The following CAT variants were observed in gnomAD, a reference collection of about 807,000 sequenced individuals.
The protein encoded by CAT is catalase.
In CAT, 43 loss-of-function variants were observed where a neutral mutation model predicts 59.0. The observed-to-expected ratio is 0.73, with a 90% CI of 0.57 to 0.94. CAT has a LOEUF of 0.94. CAT is among the 40% of genes least tolerant of loss of function. The pLI is 0.00. For synonymous variants in CAT, 218 were observed against 230.9 expected, an observed-to-expected ratio of 0.94 and a Z score of 0.51; for missense variants, 664 against 682.9, an observed-to-expected ratio of 0.97 and a Z score of 0.31.
Position 34,471,869 on chromosome 11 carries a change from T to C in CAT, c.*436T>C, listed in dbSNP as rs58333953. On this transcript the variant is annotated 3_prime_UTR_variant, in exon 13 of 13. Transcript: ENST00000241052. ...TTTTCTAAGGTTCTCATAGGAAAAG[T>C]ACATTTAATACAGCAGTGTCATCAG... 3.8e-3 allele frequency: 759 copies of C among 200,548 alleles called. 7 individuals are homozygous for C. Among genetic ancestry groups the C allele is most frequent in the African/African-American group, 0.017 (725 of 42,378 alleles). 12.4% of individuals were successfully genotyped at this position (200,548 alleles called of 1,614,324 possible).
At chr11:34,454,976 G>A (rs1484646699) in intron 6 of CAT, among the ~76,000 whole-genome samples, 2 of 152,158 alleles carry the variant, frequency 1.3e-5, no homozygotes, top group African/African-American at 4.8e-5. Context: ...TTGCTTGTGG[G>A]TCTTTTATCC....
intron 11 of CAT, among the ~76,000 whole-genome samples, chr11:34,470,282 G>A (rs796415035): frequency 5.3e-5 from 8 of 152,246 alleles, no homozygotes; most frequent in African/African-American, 1.7e-4. Context: ...ATAGACAAAT[G>A]GAAGAGGGGC....
At position 34,463,562 on chromosome 11, in the gene CAT, C is replaced by T. The variant is rs2133857934; in HGVS notation, c.1196-543C>T. ...CAGAGTTCCAACCCCATATCTACCA[C>T]TGGCTACCGTGTGACCTTGCAGCAG... is the stretch of plus-strand genomic sequence containing the variant. On this transcript the variant is annotated intron_variant, in intron 9 of 12. Coordinates refer to ENST00000241052, the MANE Select transcript of CAT (RefSeq NM_001752.4). 2.0e-5 allele frequency among the ~76,000 whole-genome samples: 3 copies of T among 152,338 alleles called. No individual in the cohort carries two copies. The South Asian group carries it at 6.2e-4, about 32-fold the overall frequency.
At chr11:34,467,812 ATAAC>A (rs1316939253) in intron 10 of CAT, among the ~76,000 whole-genome samples, 1 of 152,230 alleles carries the variant, frequency 6.6e-6, no homozygotes, top group Non-Finnish European at 1.5e-5. Flanking sequence ...TGGCTTCTGA[ATAAC>A]TACAGATACA....
intron 10 of CAT, among the ~76,000 whole-genome samples, chr11:34,465,424 C>T (rs1379546836): frequency 6.6e-6 from 1 of 152,082 alleles, no homozygotes; most frequent in Non-Finnish European, 1.5e-5. Context: ...TTTTATGTAA[C>T]TGCATTATTT....
Position 34,449,278 on chromosome 11 carries a change from T to G in CAT, c.153T>G (p.Leu51=). 1.9e-6 allele frequency: 3 copies of G among 1,614,072 alleles called. No homozygotes were observed. The highest frequency in any genetic ancestry group is 2.5e-6 in the Non-Finnish European group (3 of 1,179,900). Residue 51 remains leucine, a synonymous_variant, in exon 2 of 13, where the codon CTT becomes CTG. Coordinates refer to ENST00000241052, the MANE Select transcript of CAT (RefSeq NM_001752.4). ...VITVGPRGPL[L]VQDVVFTDEM... ...CAGTAGGGCCCCGTGGGCCCCTTCT[T>G]GTTCAGGATGTGGTTTTCACTGATG...
chr11:34,456,420 T>C (rs1234007947), intron 7 of CAT, among the ~76,000 whole-genome samples: 2 of 152,242 alleles, frequency 1.3e-5, no homozygotes, highest in East Asian at 3.8e-4. Context: ...TGGCTTCATA[T>C]ATTGTTATTA....
rs753516945 is a variant in CAT at position 34,453,929 on chromosome 11, A to G, written c.711+3A>G. 5.0e-6 allele frequency: 8 copies of G among 1,613,514 alleles called. No homozygotes were observed. The East Asian group carries it at 1.8e-4, about 36-fold the overall frequency. On this transcript the variant is annotated splice_donor_region_variant and intron_variant, in intron 6 of 12. Transcript: ENST00000241052. ...TTTATTGCAAATTCCATTATAAGGT[A>G]TGTGTTACCTTTGGGGCAGAGGGTA... is the stretch of plus-strand genomic sequence containing the variant.
chr11:34,461,064 T>C lies in CAT; in HGVS notation c.1057-187T>C, dbSNP rs1212611349. ...CCAGAGGGCCTGGGAAATTCAGAACTGTTCAGTTAGGGAGAACTCGTTTCA... is the reference window on the plus strand; with the variant it reads ...CCAGAGGGCCTGGGAAATTCAGAACCGTTCAGTTAGGGAGAACTCGTTTCA... On this transcript the variant is annotated intron_variant, in intron 8 of 12. Transcript: ENST00000241052. 1.3e-5 allele frequency: 9 copies of C among 708,998 alleles called. No individual in the cohort carries two copies. The East Asian group carries it at 2.0e-4, about 16-fold the overall frequency. 43.9% of individuals were successfully genotyped at this position (708,998 alleles called of 1,614,324 possible). A position where few individuals can be genotyped will look rare whatever the true frequency, so the allele number is the denominator to read the frequency against.
At chr11:34,450,960 G>C in intron 2 of CAT, 28 bp from the exon 3 acceptor site, 1 of 1,449,704 alleles carries the variant, frequency 6.9e-7, no homozygotes, top group Non-Finnish European at 9.7e-7. Flanking sequence ...TGGTCTCATG[G>C]TAAGGATTTC....
chr11:34,464,241 G>T lies in CAT; in HGVS notation c.1326+6G>T. The T allele has an allele frequency of 1.9e-6, 3 of 1,613,830 alleles. No homozygotes were observed. Among genetic ancestry groups the T allele is most frequent in the South Asian group, 2.2e-5 (2 of 91,042 alleles). ...ATGATGATAACGTTACTCAGGTAAT[G>T]ACTTCTCTTTATCTGCTATGGAAGT... On this transcript the variant is annotated splice_donor_region_variant and intron_variant, in intron 10 of 12. Transcript: ENST00000241052.
At position 34,439,076 on chromosome 11, in the gene CAT, G is replaced by C. The variant is rs2133174237; in HGVS notation, c.63G>C (p.Ala21=). ...QMQHWKEQRA[A]QKADVLTTGA... ...AGCACTGGAAGGAGCAGCGGGCCGC[G>C]CAGGTACACTCTGTGCTCCCCGAGC... is the stretch of plus-strand genomic sequence containing the variant. Residue 21 remains alanine, a synonymous_variant, in exon 1 of 13, where the codon GCG becomes GCC. Transcript: ENST00000241052. 1 of 1,588,550 alleles carries C rather than the reference G, an allele frequency of 6.3e-7. No individual in the cohort carries two copies. Among genetic ancestry groups the C allele is most frequent in the South Asian group, 1.1e-5 (1 of 87,842 alleles).
rs373957384 is a variant in CAT at position 34,468,335 on chromosome 11, T to G, written c.1374T>G (p.Arg458=). The change falls in exon 11 of 13, where the codon CGT becomes CGG. Residue 458 remains arginine, a synonymous_variant. Transcript: ENST00000241052. ...TGCTGAATGAGGAACAGAGGAAACG[T>G]CTGTGTGAGAACATTGCCGGCCACC... is the stretch of plus-strand genomic sequence containing the variant. The part of the protein sequence containing the change: ...VNVLNEEQRK[R]LCENIAGHLK... 1 of 1,613,990 alleles carries G rather than the reference T, an allele frequency of 6.2e-7. No homozygotes were observed. The highest frequency in any genetic ancestry group is 8.5e-7 in the Non-Finnish European group (1 of 1,180,014).
chr11:34,461,361 C>A lies in CAT; in HGVS notation c.1167C>A (p.Asp389Glu). The A allele has an allele frequency of 1.9e-6, 3 of 1,613,996 alleles. No individual in the cohort carries two copies. The highest frequency in any genetic ancestry group is 2.5e-6 in the Non-Finnish European group (3 of 1,179,990). The part of the protein sequence containing the change: ...YRARVANYQR[D>E]GPMCMQDNQG... ...CTCGAGTGGCCAACTACCAGCGTGA[C>A]GGCCCGATGTGCATGCAGGACAATC... Residue 389 changes from aspartate (D) to glutamate (E), a missense_variant, in exon 9 of 13, where the codon GAC becomes GAA. Asp to Glu is a conservative substitution (Grantham distance 45). Transcript: ENST00000241052.
At chr11:34,443,390 G>A (rs1564960055) in intron 1 of CAT, among the ~76,000 whole-genome samples, 1 of 152,212 alleles carries the variant, frequency 6.6e-6, no homozygotes, top group Non-Finnish European at 1.5e-5. Context: ...AGTCAGATGT[G>A]TTCATGAGTA....
chr11:34,452,403 A>AT (rs1185475256), intron 4 of CAT, among the ~76,000 whole-genome samples, 196 bp downstream of exon 4: 4 of 152,198 alleles, frequency 2.6e-5, no homozygotes, highest in Non-Finnish European at 5.9e-5. Flanking sequence ...TAGATTTGTC[A>AT]TTTTAAGACA....
At chr11:34,468,676 C>T in intron 11 of CAT, 1 of 523,160 alleles carries the variant, frequency 1.9e-6, no homozygotes, top group Non-Finnish European at 3.4e-6. Context: ...TCAGCTGCAG[C>T]CAAGTTCTGT....
At chr11:34,445,975 A>T (rs1021006337) in intron 1 of CAT, among the ~76,000 whole-genome samples, 1 of 152,178 alleles carries the variant, frequency 6.6e-6, no homozygotes, top group Admixed American at 6.5e-5. Flanking sequence ...CTTAAGTGAG[A>T]TAACTTGCGT....
chr11:34,453,491 A>C (rs1856553389), intron 5 of CAT, among the ~76,000 whole-genome samples: 1 of 152,248 alleles, frequency 6.6e-6, no homozygotes, highest in South Asian at 2.1e-4. Context: ...GTGGGGGGAA[A>C]GTAGTACCAA....
Sources: gnomAD v4.1 joint callset for allele counts (sites outside exome capture counted in the v4.1 genomes callset) on GRCh38, gnomAD v4.1.1 for gene constraint, MANE v1.5 for transcripts, NCBI Gene and HGNC (gene_info 2026-07-23, HGNC 2026-07-21) for gene names.